CD14: variants seen among roughly 807,000 people sequenced by gnomAD.
CD14 encodes monocyte differentiation antigen CD14.
Under a neutral mutation model 2.5 loss-of-function variants are expected in CD14, and 4 were observed. That is an observed-to-expected ratio of 1.63 (90% CI 0.80 to 3.72). CD14 has a LOEUF of 3.72. Among genes scored for constraint, CD14 ranks in the 30% most tolerant of loss-of-function variants. The pLI is 0.01. For synonymous variants in CD14, 236 were observed against 235.1 expected, an observed-to-expected ratio of 1.00 and a Z score of -0.04; for missense variants, 478 against 497.8, an observed-to-expected ratio of 0.96 and a Z score of 0.38.
In CD14 at chr5:140,632,815, C is replaced by T. The variant is rs1195489709; in HGVS notation, c.169G>A (p.Val57Met). 3 of 1,613,942 alleles carry T rather than the reference C, an allele frequency of 1.9e-6. No homozygotes were observed. Among genetic ancestry groups the T allele is most frequent in the Non-Finnish European group, 2.5e-6 (3 of 1,180,032 alleles). Residue 57 changes from valine (V) to methionine (M), a missense_variant, in exon 2 of 2, where the codon GTG (valine) becomes ATG (methionine). Transcript: ENST00000302014. The surrounding 1 kb of genome is among the most constrained non-coding windows in gnomAD (Gnocchi z 6.2). ...EAFQCVSAVE[V>M]EIHAGGLNLE... ...TTGAGACCGCCGGCATGGATCTCCA[C>T]CTCTACTGCAGACACACACTGGAAG... is the stretch of plus-strand genomic sequence containing the variant.
intron 1 of CD14, 38 bp from the exon 2 acceptor site, chr5:140,633,018 C>T: frequency 1.9e-6 from 3 of 1,614,152 alleles, no homozygotes; most frequent in East Asian, 2.2e-5. Context: ...CCCCATCCAA[C>T]CCCTGTGGCT....
At position 140,632,296 on chromosome 5, in the gene CD14, G is replaced by T; in HGVS notation, c.688C>A (p.Arg230Ser). 6.2e-7 allele frequency: 1 copy of T among 1,613,956 alleles called. No homozygotes were observed. Among genetic ancestry groups the T allele is most frequent in the African/African-American group, 1.3e-5 (1 of 75,076 alleles). ...KFPAIQNLAL[R>S]NTGMETPTGV... is the part of the protein sequence containing the mutation. The stretch of plus-strand genomic sequence containing the variant: ...GTGGGCGTCTCCATTCCTGTGTTGC[G>T]CAGCGCTAGATTCTGGATGGCCGGG... The change falls in exon 2 of 2, where the codon CGC (arginine) becomes AGC (serine). Residue 230 changes from arginine (R) to serine (S), a missense_variant. Physicochemically the swap from Arg to Ser is moderately radical, Grantham distance 110. Coordinates refer to ENST00000302014, the MANE Select transcript of CD14 (RefSeq NM_000591.4). This position sits in a 1 kb window ranked among gnomAD's most constrained non-coding sequence, Gnocchi z 6.2.
Position 140,631,792 on chromosome 5 carries a change from C to T in CD14, c.*64G>A, listed in dbSNP as rs201259324. The T allele has an allele frequency of 5.0e-4, 724 of 1,442,192 alleles. 2 individuals carry two copies. The highest frequency in any genetic ancestry group is 6.1e-4 in the Non-Finnish European group (655 of 1,066,320). The allele number at this position is 1,442,192 out of a possible 1,614,324, so 89.3% of individuals were successfully genotyped here. A position where few individuals can be genotyped will look rare whatever the true frequency, so the allele number is the denominator to read the frequency against. ...GTTGAATTGGTCGAAAAGTCCTCAACGTCCTGACGGGACTCCCCTGAAGCC... is the reference window on the plus strand; with the variant it reads ...GTTGAATTGGTCGAAAAGTCCTCAATGTCCTGACGGGACTCCCCTGAAGCC... On this transcript the variant is annotated 3_prime_UTR_variant, in exon 2 of 2. Coordinates refer to ENST00000302014, the MANE Select transcript of CD14 (RefSeq NM_000591.4).
Position 140,633,076 on chromosome 5 carries a change from G to A in CD14, c.-5C>T. On this transcript the variant is annotated 5_prime_UTR_variant, in exon 1 of 2. Transcript: ENST00000302014. ...CCAAGACCCTACACTCACCATGGTC[G>A]ATAAGTCTTCCGAACCTCTGAGCTC... 1 of 1,614,138 alleles carries A rather than the reference G, an allele frequency of 6.2e-7. No homozygotes were observed. The highest frequency in any genetic ancestry group is 8.5e-7 in the Non-Finnish European group (1 of 1,180,012).
rs758715495 is a variant in CD14, at chr5:140,632,264, C to G, written c.720G>C (p.Val240=). 3 of 1,613,596 alleles carry G rather than the reference C, an allele frequency of 1.9e-6. No homozygotes were observed. The highest frequency in any genetic ancestry group is 1.3e-5 in the African/African-American group (1 of 74,936). ...RNTGMETPTG[V]CAALAAAGVQ... ...CACCTGCCGCCGCCAGTGCGGCGCACACGCCTGTGGGCGTCTCCATTCCTG... is the reference window on the plus strand; with the variant it reads ...CACCTGCCGCCGCCAGTGCGGCGCAGACGCCTGTGGGCGTCTCCATTCCTG... Residue 240 remains valine, a synonymous_variant, in exon 2 of 2, where the codon GTG becomes GTC. Transcript: ENST00000302014. This position sits in a 1 kb window ranked among gnomAD's most constrained non-coding sequence, Gnocchi z 6.2.
chr5:140,632,040 G>A lies in CD14; in HGVS notation c.944C>T (p.Pro315Leu), dbSNP rs1357143862. ...SCNRLNRAPQPDELPEVDNLT... is the reference protein window; with the variant it reads ...SCNRLNRAPQLDELPEVDNLT... ...GTTATCCACCTCGGGCAGCTCGTCA[G>A]GCTGCGGCGCCCTGTTCAGTCTGTT... is the stretch of plus-strand genomic sequence containing the variant. Residue 315 changes from proline (P) to leucine (L), a missense_variant, in exon 2 of 2, where the codon CCT becomes CTT. Transcript: ENST00000302014. This position sits in a 1 kb window ranked among gnomAD's most constrained non-coding sequence, Gnocchi z 6.2. 6.2e-7 allele frequency: 1 copy of A among 1,614,204 alleles called. No individual in the cohort carries two copies. The highest frequency in any genetic ancestry group is 1.3e-5 in the African/African-American group (1 of 75,064).
chr5:140,632,090 C>A lies in CD14; in HGVS notation c.894G>T (p.Lys298Asn). The A allele has an allele frequency of 6.2e-7, 1 of 1,614,210 alleles. No individual in the cohort carries two copies. The highest frequency in any genetic ancestry group is 1.1e-5 in the South Asian group (1 of 91,088). The change falls in exon 2 of 2, where the codon AAG becomes AAT. Residue 298 changes from lysine (K) to asparagine (N), a missense_variant. Transcript: ENST00000302014. This position sits in a 1 kb window ranked among gnomAD's most constrained non-coding sequence, Gnocchi z 6.2. ...LEQVPKGLPAKLRVLDLSCNR... is the reference protein window; with the variant it reads ...LEQVPKGLPANLRVLDLSCNR... ...TGCAGCTGAGATCGAGCACTCTGAG[C>A]TTGGCTGGCAGTCCTTTAGGCACCT... is the stretch of plus-strand genomic sequence containing the variant.
rs752685957 is a variant in CD14 at position 140,632,946 on chromosome 5, G to GGCA, written c.35_37dup (p.Leu12dup). 3.1e-5 allele frequency: 50 copies of GGCA among 1,613,890 alleles called. No individual in the cohort carries two copies. The highest frequency in any genetic ancestry group is 1.1e-4 in the African/African-American group (8 of 74,876). Reference sequence around the variant, plus strand: ...CGTGGTCGCAGAGACGTGCACCAGCGGCAGCAGCAGCAGCAACAAGCAGGA... The same window carrying GGCA: ...CGTGGTCGCAGAGACGTGCACCAGCGGCAGCAGCAGCAGCAGCAACAAGCAGGA... On this transcript the variant is annotated inframe_insertion, in exon 2 of 2. Transcript: ENST00000302014. This position sits in a 1 kb window ranked among gnomAD's most constrained non-coding sequence, Gnocchi z 6.2.
upstream of CD14, chr5:140,633,273 G>A (rs1581450024): frequency 1.1e-5 from 7 of 662,346 alleles, no homozygotes; most frequent in East Asian, 1.1e-4. Flanking sequence ...CTCTTCCTCC[G>A]AGCCAGCCCC....
chr5:140,633,514 C>A, upstream of CD14: 2 of 247,190 alleles, frequency 8.1e-6, no homozygotes, highest in South Asian at 6.1e-5. Context: ...CACTATCCAA[C>A]CCCCCAATCC....
Position 140,632,399 on chromosome 5 carries a change from G to T in CD14, c.585C>A (p.Ala195=), listed in dbSNP as rs199808769. 32 of 1,614,072 alleles carry T rather than the reference G, an allele frequency of 2.0e-5. No individual in the cohort carries two copies. The highest frequency in any genetic ancestry group is 2.5e-5 in the Non-Finnish European group (30 of 1,180,058). ...FSCEQVRAFP[A]LTSLDLSDNP... is the part of the protein sequence containing the mutation. Reference sequence around the variant, plus strand: ...TGTCAGACAGGTCTAGGCTGGTAAGGGCCGGGAAGGCGCGAACCTGTTCGC... The same window carrying T: ...TGTCAGACAGGTCTAGGCTGGTAAGTGCCGGGAAGGCGCGAACCTGTTCGC... Residue 195 remains alanine, a synonymous_variant, in exon 2 of 2, where the codon GCC becomes GCA. Transcript: ENST00000302014. This position sits in a 1 kb window ranked among gnomAD's most constrained non-coding sequence, Gnocchi z 6.2.
At position 140,632,210 on chromosome 5, in the gene CD14, G is replaced by T; in HGVS notation, c.774C>A (p.His258Gln). ...GVQPHSLDLS[H>Q]NSLRATVNPS... ...GGTTTACGGTGGCGCGCAGCGAGTT[G>T]TGGCTGAGGTCTAGGCTGTGGGGCT... The change falls in exon 2 of 2, where the codon CAC becomes CAA. Residue 258 changes from histidine (H) to glutamine (Q), a missense_variant. By Grantham distance (24) the His-to-Gln change is conservative (BLOSUM62 0). Coordinates refer to ENST00000302014, the MANE Select transcript of CD14 (RefSeq NM_000591.4). This position sits in a 1 kb window ranked among gnomAD's most constrained non-coding sequence, Gnocchi z 6.2. The T allele has an allele frequency of 6.2e-7, 1 of 1,613,564 alleles. No homozygotes were observed. Among genetic ancestry groups the T allele is most frequent in the Non-Finnish European group, 8.5e-7 (1 of 1,179,804 alleles).
chr5:140,632,512 G>T lies in CD14; in HGVS notation c.472C>A (p.Arg158Ser). The T allele has an allele frequency of 6.2e-7, 1 of 1,614,126 alleles. No homozygotes were observed. Among genetic ancestry groups the T allele is most frequent in the Non-Finnish European group, 8.5e-7 (1 of 1,180,046 alleles). ...TGCTGCAGCTCGGCGAGCCAAGAAC[G>T]CCCTGTCGCCCACGACACGTTGCGT... ...RLRNVSWATG[R>S]SWLAELQQWL... Residue 158 changes from arginine (R) to serine (S), a missense_variant, in exon 2 of 2, where the codon CGT (arginine) becomes AGT (serine). By Grantham distance (110) the Arg-to-Ser change is moderately radical (BLOSUM62 -1). Coordinates refer to ENST00000302014, the MANE Select transcript of CD14 (RefSeq NM_000591.4). This position sits in a 1 kb window ranked among gnomAD's most constrained non-coding sequence, Gnocchi z 6.2.
In CD14 at chr5:140,631,815, G is replaced by A. The variant is rs773527098; in HGVS notation, c.*41C>T. On this transcript the variant is annotated 3_prime_UTR_variant, in exon 2 of 2. Coordinates refer to ENST00000302014, the MANE Select transcript of CD14 (RefSeq NM_000591.4). ...AACGTCCTGACGGGACTCCCCTGAAGCCAAGGCAGTTTGAGTCCATTCATT... is the reference window on the plus strand; with the variant it reads ...AACGTCCTGACGGGACTCCCCTGAAACCAAGGCAGTTTGAGTCCATTCATT... 6.0e-6 allele frequency: 9 copies of A among 1,510,448 alleles called. No homozygotes were observed. The African/African-American group carries it at 1.3e-4, about 21-fold the overall frequency. The allele number at this position is 1,510,448 out of a possible 1,614,324, so 93.6% of individuals were successfully genotyped here.
upstream of CD14, chr5:140,633,216 A>T: frequency 9.8e-7 from 1 of 1,021,466 alleles, no homozygotes; most frequent in East Asian, 2.6e-5. Context: ...TAATCCTGGG[A>T]TGTCATTCAG....
In CD14 at chr5:140,631,835, T is replaced by C. The variant is rs1339288514; in HGVS notation, c.*21A>G. ...CTGAAGCCAAGGCAGTTTGAGTCCA[T>C]TCATTATTCTGTCTTGGATCTTAGG... On this transcript the variant is annotated 3_prime_UTR_variant, in exon 2 of 2. Transcript: ENST00000302014. 1 of 1,522,184 alleles carries C rather than the reference T, an allele frequency of 6.6e-7. No homozygotes were observed. The highest frequency in any genetic ancestry group is 2.3e-5 in the East Asian group (1 of 43,830). 94.3% of individuals were successfully genotyped at this position (1,522,184 alleles called of 1,614,324 possible).
Position 140,632,231 on chromosome 5 carries a change from G to A in CD14, c.753C>T (p.Pro251=), listed in dbSNP as rs1756604483. The A allele has an allele frequency of 1.9e-6, 3 of 1,613,508 alleles. No individual in the cohort carries two copies. The highest frequency in any genetic ancestry group is 1.7e-6 in the Non-Finnish European group (2 of 1,180,028). ...AGTTGTGGCTGAGGTCTAGGCTGTG[G>A]GGCTGCACACCTGCCGCCGCCAGTG... ...CAALAAAGVQ[P]HSLDLSHNSL... is the part of the protein sequence containing the mutation. Residue 251 remains proline, a synonymous_variant, in exon 2 of 2, where the codon CCC becomes CCT. Coordinates refer to ENST00000302014, the MANE Select transcript of CD14 (RefSeq NM_000591.4). The surrounding 1 kb of genome is among the most constrained non-coding windows in gnomAD (Gnocchi z 6.2).
Position 140,632,057 on chromosome 5 carries a change from C to G in CD14, c.927G>C (p.Leu309=), listed in dbSNP as rs148406108. The change falls in exon 2 of 2, where the codon CTG becomes CTC. Residue 309 remains leucine, a synonymous_variant. Coordinates refer to ENST00000302014, the MANE Select transcript of CD14 (RefSeq NM_000591.4). The surrounding 1 kb of genome is among the most constrained non-coding windows in gnomAD (Gnocchi z 6.2). The part of the protein sequence containing the change: ...LRVLDLSCNR[L]NRAPQPDELP... ...GCTCGTCAGGCTGCGGCGCCCTGTT[C>G]AGTCTGTTGCAGCTGAGATCGAGCA... 4.2e-4 allele frequency: 673 copies of G among 1,614,226 alleles called. 6 individuals are homozygous for G. In the East Asian group the frequency reaches 0.014, roughly 33 times the overall value.
Position 140,632,479 on chromosome 5 carries a change from T to C in CD14, c.505A>G (p.Lys169Glu). Residue 169 changes from lysine (K) to glutamate (E), a missense_variant, in exon 2 of 2, where the codon AAG (lysine) becomes GAG (glutamate). Coordinates refer to ENST00000302014, the MANE Select transcript of CD14 (RefSeq NM_000591.4). This position sits in a 1 kb window ranked among gnomAD's most constrained non-coding sequence, Gnocchi z 6.2. ...SWLAELQQWL[K>E]PGLKVLSIAQ... ...ATGCTCAGTACCTTGAGGCCTGGCT[T>C]GAGCCACTGCTGCAGCTCGGCGAGC... 6.2e-7 allele frequency: 1 copy of C among 1,614,160 alleles called. No homozygotes were observed. Among genetic ancestry groups the C allele is most frequent in the Non-Finnish European group, 8.5e-7 (1 of 1,180,040 alleles).
Sources: gnomAD v4.1 joint callset for allele counts on GRCh38, gnomAD v4.1.1 for gene constraint, Gnocchi (gnomAD v3.1) non-coding constraint, MANE v1.5 for transcripts, NCBI Gene and HGNC (gene_info 2026-07-23, HGNC 2026-07-21) for gene names.